The following CALCRL variants were observed in gnomAD, a reference collection of about 807,000 sequenced individuals.
CALCRL encodes the protein calcitonin receptor like receptor.
In CALCRL, 27 loss-of-function variants were observed where a neutral mutation model predicts 60.4. The ratio of observed to expected loss-of-function variants is 0.45; its 90% CI spans 0.33 to 0.62. The LOEUF is 0.62. Among genes scored for constraint, CALCRL ranks in the 20% least tolerant of loss-of-function variants. The probability of loss-of-function intolerance (pLI) is 0.03; values close to 1 mark genes in which losing one functional copy is unlikely to be tolerated. For synonymous variants in CALCRL, 190 were observed against 182.6 expected, an observed-to-expected ratio of 1.04 and a Z score of -0.33; for missense variants, 424 against 540.7, an observed-to-expected ratio of 0.78 and a Z score of 2.14.
At chr2:187,427,882 T>C (rs916967950) in intron 1 of CALCRL, among the ~76,000 whole-genome samples, 6 of 152,128 alleles carry the variant, frequency 3.9e-5, no homozygotes, top group African/African-American at 1.4e-4. Context: ...CATCTAAAAA[T>C]GGTCATTTCT....
At chr2:187,425,221 A>G (rs944508442) in intron 1 of CALCRL, among the ~76,000 whole-genome samples, 1 of 151,972 alleles carries the variant, frequency 6.6e-6, no homozygotes, top group Non-Finnish European at 1.5e-5. Flanking sequence ...ACATTTTATG[A>G]CAACATAAAT....
intron 1 of CALCRL, among the ~76,000 whole-genome samples, chr2:187,447,027 A>G (rs1691222364): frequency 6.6e-6 from 1 of 151,880 alleles, no homozygotes; most frequent in African/African-American, 2.4e-5. Flanking sequence ...TTTCTCCAGC[A>G]ACAAATTTGT....
rs1292149267 is a variant in CALCRL at position 187,343,222 on chromosome 2, C to G, written c.*2962G>C. On this transcript the variant is annotated 3_prime_UTR_variant, in exon 15 of 15. Coordinates refer to ENST00000392370, the MANE Select transcript of CALCRL (RefSeq NM_005795.6). ...GAGATTTGTTAATTTTGAGAAGTAT[C>G]CCATTGATTACTGTAAGAATTATGT... The G allele has an allele frequency of 6.6e-6, 1 of 151,330 alleles. No individual in the cohort carries two copies. The highest frequency in any genetic ancestry group is 1.5e-5 in the Non-Finnish European group (1 of 67,480). 9.4% of individuals were successfully genotyped at this position (151,330 alleles called of 1,614,324 possible). A position where few individuals can be genotyped will look rare whatever the true frequency, so the allele number is the denominator to read the frequency against.
intron 1 of CALCRL, among the ~76,000 whole-genome samples, chr2:187,401,070 G>T (rs1473818985): frequency 6.6e-6 from 1 of 151,570 alleles, no homozygotes; most frequent in African/African-American, 2.4e-5. Context: ...ATTGTGCAAT[G>T]CTGAAGATTG....
At position 187,343,544 on chromosome 2, in the gene CALCRL, A is replaced by G. The variant is rs879186573; in HGVS notation, c.*2640T>C. ...TACATTGGATTACATTTAAACAAAC[A>G]CTGCATTCCAGAATGAATATTTTAT... On this transcript the variant is annotated 3_prime_UTR_variant, in exon 15 of 15. Coordinates refer to ENST00000392370, the MANE Select transcript of CALCRL (RefSeq NM_005795.6). 8.6e-5 allele frequency: 13 copies of G among 151,974 alleles called. No homozygotes were observed. The South Asian group carries it at 2.7e-3, about 31-fold the overall frequency. The allele number at this position is 151,974 out of a possible 1,614,324, so 9.4% of individuals were successfully genotyped here.
intron 4 of CALCRL, 146 bp downstream of exon 4, chr2:187,385,399 A>G (rs1688164329): frequency 1.8e-6 from 1 of 561,362 alleles, no homozygotes; most frequent in South Asian, 2.8e-5. Context: ...AAAAGCATAC[A>G]CCGAATGAAA....
intron 8 of CALCRL, among the ~76,000 whole-genome samples, chr2:187,365,971 C>T (rs978726348): frequency 3.9e-5 from 6 of 152,038 alleles, no homozygotes; most frequent in Non-Finnish European, 7.4e-5. Flanking sequence ...AGGCCGGGCG[C>T]GGTGGCTCAC....
At position 187,346,143 on chromosome 2, in the gene CALCRL, TAGG is replaced by T; in HGVS notation, c.*38_*40del. ...GAGTCATGGGTCCAAGTCCTTGAGT[TAGG>T]AGAAGCACAAAACAGTGAGACAACC... On this transcript the variant is annotated 3_prime_UTR_variant, in exon 15 of 15. Transcript: ENST00000392370. The T allele has an allele frequency of 7.6e-7, 1 of 1,322,380 alleles. No individual in the cohort carries two copies. Among genetic ancestry groups the T allele is most frequent in the Admixed American group, 2.0e-5 (1 of 50,648 alleles). The allele number at this position is 1,322,380 out of a possible 1,614,324, so 81.9% of individuals were successfully genotyped here. A position where few individuals can be genotyped will look rare whatever the true frequency, so the allele number is the denominator to read the frequency against.
chr2:187,413,469 T>G (rs1052354669), intron 1 of CALCRL, among the ~76,000 whole-genome samples: 1 of 152,090 alleles, frequency 6.6e-6, no homozygotes. Context: ...AATTATATCT[T>G]CCCTCCCATA....
intron 1 of CALCRL, among the ~76,000 whole-genome samples, chr2:187,420,105 A>G (rs1689804069): frequency 6.6e-6 from 1 of 152,212 alleles, no homozygotes; most frequent in African/African-American, 2.4e-5. Context: ...AGCCTTCAGG[A>G]CAAGAACATT....
intron 1 of CALCRL, among the ~76,000 whole-genome samples, chr2:187,396,108 G>A (rs1365895177): frequency 2.0e-5 from 3 of 151,058 alleles, no homozygotes; most frequent in African/African-American, 7.3e-5. Context: ...AATAGCTCAC[G>A]GGAAAAAGTG....
chr2:187,434,439 G>A (rs1289584656), intron 1 of CALCRL, among the ~76,000 whole-genome samples: 2 of 152,082 alleles, frequency 1.3e-5, no homozygotes, highest in Non-Finnish European at 2.9e-5. Context: ...ACAATGAGAT[G>A]CTATGTTACA....
intron 1 of CALCRL, among the ~76,000 whole-genome samples, chr2:187,408,767 G>A (rs1315702965): frequency 6.6e-6 from 1 of 151,974 alleles, no homozygotes; most frequent in East Asian, 1.9e-4. Flanking sequence ...TAACTGTACA[G>A]TGGAGATAAT....
At chr2:187,348,957 G>C (rs1020399233) in intron 14 of CALCRL, among the ~76,000 whole-genome samples, 1 of 151,620 alleles carries the variant, frequency 6.6e-6, no homozygotes, top group African/African-American at 2.4e-5. Flanking sequence ...TAAGTAGTAA[G>C]GCAAATGTTT....
intron 1 of CALCRL, among the ~76,000 whole-genome samples, chr2:187,400,039 A>C (rs916248743): frequency 6.6e-6 from 1 of 151,412 alleles, no homozygotes; most frequent in Admixed American, 6.6e-5. Flanking sequence ...TAGACTATGG[A>C]GTAAATACAG....
At chr2:187,428,764 G>C (rs1037619734) in intron 1 of CALCRL, 1 of 152,094 alleles carries the variant, frequency 6.6e-6, no homozygotes, top group Non-Finnish European at 1.5e-5. Context: ...GTGGTGGTGG[G>C]TGCCTGTAGT....
chr2:187,390,595 A>G (rs912273132), intron 1 of CALCRL, among the ~76,000 whole-genome samples: 1 of 152,202 alleles, frequency 6.6e-6, no homozygotes, highest in African/African-American at 2.4e-5. Flanking sequence ...TTAGTGAAAT[A>G]TCTCTTAGTG....
intron 9 of CALCRL, 134 bp from the exon 10 acceptor site, chr2:187,360,885 G>C: frequency 1.4e-6 from 1 of 710,876 alleles, no homozygotes; most frequent in East Asian, 3.0e-5. Flanking sequence ...ATTAGGATTT[G>C]TGGAATGCCA....
intron 5 of CALCRL, 80 bp downstream of exon 5, chr2:187,383,093 A>G: frequency 7.3e-7 from 1 of 1,372,408 alleles, no homozygotes; most frequent in South Asian, 1.3e-5. Flanking sequence ...ATGGACCTAA[A>G]GCACTTATAA....
Sources: allele counts gnomAD v4.1 joint callset (sites outside exome capture counted in the v4.1 genomes callset), GRCh38; gene constraint gnomAD v4.1.1; transcripts MANE v1.5; gene names NCBI Gene and HGNC (gene_info 2026-07-23, HGNC 2026-07-21).